The following NXN variants were observed in gnomAD, a reference collection of about 807,000 sequenced individuals.
NXN encodes nucleoredoxin 1.
NXN carries 16 observed loss-of-function variants against 48.6 expected under a neutral mutation model. The observed-to-expected ratio is 0.33, with a 90% CI of 0.22 to 0.50. The LOEUF is 0.50. NXN is among the 20% of genes least tolerant of loss of function. NXN has a pLI of 0.98. For missense variants in NXN, 492 were observed against 605.5 expected, an observed-to-expected ratio of 0.81 and a Z score of 1.97; for synonymous variants, 281 against 269.6, an observed-to-expected ratio of 1.04 and a Z score of -0.41.
chr17:816,768 C>A (rs1912492422), intron 5 of NXN, among the ~76,000 whole-genome samples: 1 of 152,168 alleles, frequency 6.6e-6, no homozygotes, highest in African/African-American at 2.4e-5. Flanking sequence ...AAGACATTCA[C>A]TCAGCAATGA....
intron 1 of NXN, among the ~76,000 whole-genome samples, chr17:947,718 G>A (rs1347834430): frequency 3.5e-5 from 5 of 144,580 alleles, no homozygotes; most frequent in Non-Finnish European, 7.5e-5. Context: ...GGGCAACAGG[G>A]TGAGGCTCCC....
intron 5 of NXN, among the ~76,000 whole-genome samples, chr17:817,715 G>A (rs755125034): frequency 1.3e-5 from 2 of 150,890 alleles, no homozygotes; most frequent in South Asian, 2.1e-4. Flanking sequence ...CCCCTCAGGC[G>A]CAGAACTTCT....
chr17:801,275 A>G (rs754249151), intron 7 of NXN, 144 bp from the exon 8 acceptor site: 148 of 538,018 alleles, frequency 2.8e-4, no homozygotes, highest in Admixed American at 4.8e-4. Context: ...CAGCCTGGGA[A>G]GGAGGGAACC....
intron 1 of NXN, among the ~76,000 whole-genome samples, chr17:977,414 C>T (rs2150648217): frequency 6.6e-6 from 1 of 152,324 alleles, no homozygotes; most frequent in South Asian, 2.1e-4. Flanking sequence ...AGGCTAGGGC[C>T]GCAGAATACT....
chr17:826,764 C>A (rs1184682206), intron 1 of NXN, among the ~76,000 whole-genome samples: 2 of 152,184 alleles, frequency 1.3e-5, no homozygotes, highest in African/African-American at 2.4e-5. Context: ...ACCAGGGAAG[C>A]AATGCCCAGG....
intron 5 of NXN, among the ~76,000 whole-genome samples, chr17:807,930 G>T (rs1481549299): frequency 1.3e-5 from 2 of 152,202 alleles, no homozygotes; most frequent in Non-Finnish European, 2.9e-5. Flanking sequence ...TATCACAGAT[G>T]GGGCGGGCAG....
rs111301515 is a variant in NXN, at chr17:827,971, T to C, written c.361-1893A>G. ...AGACCTGTATCTTGGCAGGAAGGGCTGTGGGACCCCACTTCAATCTGGGTG... is the reference window on the plus strand; with the variant it reads ...AGACCTGTATCTTGGCAGGAAGGGCCGTGGGACCCCACTTCAATCTGGGTG... On this transcript the variant is annotated intron_variant, in intron 1 of 7. Transcript: ENST00000336868. Among the ~76,000 whole-genome samples, 40 of 152,336 alleles carry C rather than the reference T, an allele frequency of 2.6e-4. 2 individuals carry two copies. Among genetic ancestry groups the C allele is most frequent in the African/African-American group, 8.9e-4 (37 of 41,584 alleles).
chr17:814,906 T>C (rs764602821), intron 5 of NXN, among the ~76,000 whole-genome samples: 5 of 152,154 alleles, frequency 3.3e-5, no homozygotes, highest in Non-Finnish European at 5.9e-5. Flanking sequence ...GCTGGGATTA[T>C]AGGTGACCAC....
chr17:870,745 ACT>A (rs1210890254), intron 1 of NXN, among the ~76,000 whole-genome samples: 3 of 147,416 alleles, frequency 2.0e-5, no homozygotes, highest in Non-Finnish European at 3.0e-5. Flanking sequence ...ACAGAGTGAG[ACT>A]CTGTCTGGAA....
At chr17:896,973 C>T (rs2068493602) in intron 1 of NXN, 12 of 1,182,226 alleles carry the variant, frequency 1.0e-5, no homozygotes, top group Admixed American at 4.2e-5. Flanking sequence ...AGTGACGCCT[C>T]TCCTAGGAAA....
chr17:845,274 T>C (rs1441123014), intron 1 of NXN, among the ~76,000 whole-genome samples: 2 of 150,088 alleles, frequency 1.3e-5, no homozygotes, highest in African/African-American at 4.9e-5. Flanking sequence ...CCTTACAGAC[T>C]CAACATCCGA....
At chr17:887,083 AT>A (rs576994309) in intron 1 of NXN, among the ~76,000 whole-genome samples, 10,092 of 145,638 alleles carry the variant, frequency 0.069, 620 homozygotes, top group South Asian at 0.17. Context: ...TAATTTTTGT[AT>A]TTTTTTTTTT....
chr17:852,598 C>T (rs1010016096), intron 1 of NXN, among the ~76,000 whole-genome samples: 10 of 152,244 alleles, frequency 6.6e-5, no homozygotes, highest in African/African-American at 9.6e-5. Context: ...GATTTGGATA[C>T]GGGGCTCCTG....
chr17:939,545 C>T (rs2068946557), intron 1 of NXN, among the ~76,000 whole-genome samples: 1 of 152,082 alleles, frequency 6.6e-6, no homozygotes, highest in Non-Finnish European at 1.5e-5. Flanking sequence ...GGGGTTTCAC[C>T]ATGTTGGCCA....
In NXN at chr17:951,583, C is replaced by T. The variant is rs533148007; in HGVS notation, c.360+27736G>A. The stretch of plus-strand genomic sequence containing the variant: ...TGGGGGCGGGGGCGGGGGTTGGGGG[C>T]GGGAGGGTCTGTCAGCTGTGTGGAG... On this transcript the variant is annotated intron_variant, in intron 1 of 7. Transcript: ENST00000336868. 8.6e-3 allele frequency among the ~76,000 whole-genome samples: 846 copies of T among 98,442 alleles called. 14 individuals are homozygous for T. The highest frequency in any genetic ancestry group is 0.031 in the African/African-American group (807 of 25,800). 64.6% of individuals were successfully genotyped at this position (98,442 alleles called of 152,430 possible).
At chr17:846,296 T>C (rs950025505) in intron 1 of NXN, among the ~76,000 whole-genome samples, 3 of 150,274 alleles carry the variant, frequency 2.0e-5, no homozygotes, top group South Asian at 4.2e-4. Context: ...TGGGCGCCTG[T>C]AATCCCAGCT....
intron 1 of NXN, among the ~76,000 whole-genome samples, chr17:891,593 T>C (rs670996): frequency 0.95 from 145,185 of 152,334 alleles, 69,340 homozygotes; most frequent in African/African-American, 0.99. Flanking sequence ...TGAGAGGCTA[T>C]GATGCTTCAA....
chr17:899,879 G>C (rs1366708847), intron 1 of NXN, among the ~76,000 whole-genome samples: 1 of 152,128 alleles, frequency 6.6e-6, no homozygotes, highest in African/African-American at 2.4e-5. Flanking sequence ...GACAGAGTGA[G>C]ACCCTGTCTC....
At position 830,116 on chromosome 17, in the gene NXN, T is replaced by G. The variant is rs1270448720; in HGVS notation, c.361-4038A>C. Among the ~76,000 whole-genome samples the G allele has an allele frequency of 1.3e-5, 2 of 152,206 alleles. No individual in the cohort carries two copies. Among genetic ancestry groups the G allele is most frequent in the Non-Finnish European group, 2.9e-5 (2 of 68,038 alleles). On this transcript the variant is annotated intron_variant, in intron 1 of 7. Transcript: ENST00000336868. This position sits in a 1 kb window ranked among gnomAD's most constrained non-coding sequence, Gnocchi z 4.2. Reference sequence around the variant, plus strand: ...GTGTCAAAGTTGCTTATCTTTGACTTACTGATGTGTAGGAGATACGCTGTT... The same window carrying G: ...GTGTCAAAGTTGCTTATCTTTGACTGACTGATGTGTAGGAGATACGCTGTT...
Sources: gnomAD v4.1 joint callset for allele counts (sites outside exome capture counted in the v4.1 genomes callset) on GRCh38, gnomAD v4.1.1 for gene constraint, Gnocchi (gnomAD v3.1) non-coding constraint, MANE v1.5 for transcripts, NCBI Gene and HGNC (gene_info 2026-07-23, HGNC 2026-07-21) for gene names.